ATP6V1A: variants seen among roughly 807,000 people sequenced by gnomAD.
ATP6V1A encodes ATPase H+ transporting V1 subunit A.
ATP6V1A carries 18 observed loss-of-function variants against 70.1 expected under a neutral mutation model. The ratio of observed to expected loss-of-function variants is 0.26; its 90% CI spans 0.18 to 0.38. The LOEUF (loss-of-function observed/expected upper bound fraction) is 0.38. Ranked by LOEUF, ATP6V1A falls within the 10% of genes least tolerant of loss-of-function variation. The probability of loss-of-function intolerance (pLI) is 1.00; values close to 1 mark genes in which losing one functional copy is unlikely to be tolerated. For missense variants in ATP6V1A, 424 were observed against 772.4 expected (o/e 0.55, Z 5.35); for synonymous variants, 232 against 253.8 (o/e 0.91, Z 0.82).
At chr3:113,792,724 C>T (rs931667747) in intron 8 of ATP6V1A, among the ~76,000 whole-genome samples, 3 of 152,174 alleles carry the variant, frequency 2.0e-5, no homozygotes, top group Non-Finnish European at 4.4e-5. Flanking sequence ...GATAGCCCTT[C>T]AAAAGGGCTA....
chr3:113,782,019 G>T (rs1479429236), intron 3 of ATP6V1A, among the ~76,000 whole-genome samples: 1 of 152,132 alleles, frequency 6.6e-6, no homozygotes, highest in East Asian at 1.9e-4. Flanking sequence ...AAAATAAAGG[G>T]TTAAGCCTAG....
At chr3:113,767,266 A>G (rs558650331) in intron 1 of ATP6V1A, among the ~76,000 whole-genome samples, 1 of 151,678 alleles carries the variant, frequency 6.6e-6, no homozygotes, top group South Asian at 2.1e-4. Context: ...TAATTTTGGT[A>G]TTTTTAGTAG....
At chr3:113,777,895 C>T (rs181262733) in intron 1 of ATP6V1A, among the ~76,000 whole-genome samples, 242 of 152,156 alleles carry the variant, frequency 1.6e-3, no homozygotes, top group African/African-American at 5.6e-3. Flanking sequence ...GTATCTGCAG[C>T]ATGATTAAGT....
intron 1 of ATP6V1A, among the ~76,000 whole-genome samples, chr3:113,750,845 C>T (rs1018552681): frequency 5.3e-5 from 8 of 152,024 alleles, no homozygotes; most frequent in Non-Finnish European, 1.0e-4. Context: ...AGGTTTGGGG[C>T]ATGAAGAAGA....
At chr3:113,809,253 T>C in intron 14 of ATP6V1A, 82 bp from the exon 15 acceptor site, 2 of 1,160,426 alleles carry the variant, frequency 1.7e-6, no homozygotes, top group Non-Finnish European at 1.2e-6. Flanking sequence ...AGACTCTGCC[T>C]CCAAAAAAAA....
At position 113,790,768 on chromosome 3, in the gene ATP6V1A, T is replaced by C. The variant is rs556897281; in HGVS notation, c.988+928T>C. 1.1e-4 allele frequency among the ~76,000 whole-genome samples: 17 copies of C among 152,354 alleles called. No homozygotes were observed. In the South Asian group the frequency reaches 1.9e-3, roughly 17 times the overall value. ...CTTTTGGAAGTTTCTTCAAGAAGAC[T>C]TATGGCAACTGTGTTCTCTGAATTC... On this transcript the variant is annotated intron_variant, in intron 8 of 14. Transcript: ENST00000273398.
chr3:113,752,235 C>T (rs1047488673), intron 1 of ATP6V1A, among the ~76,000 whole-genome samples: 4 of 151,706 alleles, frequency 2.6e-5, no homozygotes, highest in African/African-American at 9.7e-5. Context: ...CAATGAAAAG[C>T]AACCAGACTT....
intron 1 of ATP6V1A, among the ~76,000 whole-genome samples, chr3:113,749,844 T>G (rs1708566789): frequency 6.6e-6 from 1 of 152,236 alleles, no homozygotes; most frequent in African/African-American, 2.4e-5. Flanking sequence ...AAATGTTAGC[T>G]TTTAAATATA....
chr3:113,786,251 A>G lies in ATP6V1A; in HGVS notation c.584A>G (p.Glu195Gly), dbSNP rs773856060. Residue 195 changes from glutamate to glycine, a missense_variant, in exon 6 of 15, where the codon GAA becomes GGA. Transcript: ENST00000273398. The part of the protein sequence containing the change: ...YDTSDVVLEL[E>G]FEGVKEKFTM... ...CTATAGGATGTTGTCTTGGAGCTTG[A>G]ATTTGAAGGTGTAAAGGAGAAGTTC... 5.6e-5 allele frequency: 90 copies of G among 1,608,388 alleles called. No individual in the cohort carries two copies. The highest frequency in any genetic ancestry group is 7.6e-5 in the Non-Finnish European group (89 of 1,176,642).
chr3:113,797,045 C>G (rs1310066195), intron 11 of ATP6V1A, among the ~76,000 whole-genome samples: 1 of 151,932 alleles, frequency 6.6e-6, no homozygotes, highest in Non-Finnish European at 1.5e-5. Context: ...AAGTGATTCT[C>G]CTGCCTCAGC....
intron 1 of ATP6V1A, among the ~76,000 whole-genome samples, chr3:113,758,122 C>A (rs909851156): frequency 6.6e-6 from 1 of 151,814 alleles, no homozygotes; most frequent in South Asian, 2.1e-4. Context: ...TCCAGCCTGG[C>A]GATAGAGTGA....
chr3:113,800,374 G>A (rs1373643425), intron 12 of ATP6V1A, among the ~76,000 whole-genome samples: 1 of 152,090 alleles, frequency 6.6e-6, no homozygotes, highest in Non-Finnish European at 1.5e-5. Context: ...GGATAAGGGG[G>A]AATACAAAAC....
chr3:113,788,776 A>C lies in ATP6V1A; in HGVS notation c.780A>C (p.Ser260=). The stretch of plus-strand genomic sequence containing the variant: ...TTGGCTGTGGAAAGACAGTGATATC[A>C]CAGTCTCTATCCAAGTATTCTAACA... ...GAFGCGKTVI[S]QSLSKYSNSD... Residue 260 remains serine (S), a synonymous_variant, in exon 7 of 15, where the codon TCA becomes TCC. Transcript: ENST00000273398. 1 of 1,613,864 alleles carries C rather than the reference A, an allele frequency of 6.2e-7. No individual in the cohort carries two copies. Among genetic ancestry groups the C allele is most frequent in the East Asian group, 2.2e-5 (1 of 44,882 alleles).
intron 2 of ATP6V1A, chr3:113,780,722 T>A (rs1417661017): frequency 6.2e-6 from 8 of 1,285,216 alleles, no homozygotes; most frequent in Non-Finnish European, 8.1e-6. Flanking sequence ...TTTTTTTTAT[T>A]GTTCCAAAGC....
At chr3:113,770,483 G>A (rs759988697) in intron 1 of ATP6V1A, among the ~76,000 whole-genome samples, 1 of 151,958 alleles carries the variant, frequency 6.6e-6, no homozygotes, top group African/African-American at 2.4e-5. Flanking sequence ...TTCCAGACTA[G>A]CCTGGTCAAC....
intron 12 of ATP6V1A, among the ~76,000 whole-genome samples, chr3:113,801,927 A>AAC (rs957737741): frequency 5.5e-4 from 83 of 152,016 alleles, no homozygotes; most frequent in African/African-American, 1.9e-3. Context: ...ACAAAAAAAA[A>AAC]AAAAACAAAA....
Position 113,803,136 on chromosome 3 carries a change from A to T in ATP6V1A, c.1495-447A>T, listed in dbSNP as rs559961374. ...CTCAATACAGATAAACTTTGAGGGC[A>T]TTATGCTAAGTGAAATAAGCTGGTC... On this transcript the variant is annotated intron_variant, in intron 12 of 14. Transcript: ENST00000273398. 3.3e-5 allele frequency among the ~76,000 whole-genome samples: 5 copies of T among 152,368 alleles called. No individual in the cohort carries two copies. The South Asian group carries it at 1.0e-3, about 32-fold the overall frequency.
In ATP6V1A at chr3:113,784,122, G is replaced by A. The variant is rs1004247260; in HGVS notation, c.212-102G>A. 3.7e-5 allele frequency: 42 copies of A among 1,148,610 alleles called. No homozygotes were observed. In the African/African-American group the frequency reaches 4.5e-4, roughly 12 times the overall value. 71.2% of individuals were successfully genotyped at this position (1,148,610 alleles called of 1,614,324 possible). A position where few individuals can be genotyped will look rare whatever the true frequency, so the allele number is the denominator to read the frequency against. On this transcript the variant is annotated intron_variant, in intron 3 of 14. Transcript: ENST00000273398. ...GAACTGAGAAAGTTTGGGAACTTCC[G>A]TTTTCACTTCTTGAGTGGCATTTCC...
chr3:113,750,159 C>G (rs893686786), intron 1 of ATP6V1A, among the ~76,000 whole-genome samples: 2 of 152,118 alleles, frequency 1.3e-5, no homozygotes, highest in African/African-American at 4.8e-5. Flanking sequence ...TACTTAGGAA[C>G]CTTCCTATGA....
Sources: allele counts gnomAD v4.1 joint callset (sites outside exome capture counted in the v4.1 genomes callset), GRCh38; gene constraint gnomAD v4.1.1; transcripts MANE v1.5; gene names NCBI Gene and HGNC (gene_info 2026-07-23, HGNC 2026-07-21).